REEP3: variants seen among roughly 807,000 people sequenced by gnomAD.
REEP3 encodes the protein receptor accessory protein 3, also known as receptor expression-enhancing protein 3.
REEP3 carries 20 observed loss-of-function variants against 41.3 expected under a neutral mutation model. That is an observed-to-expected ratio of 0.48 (90% CI 0.34 to 0.70). REEP3 has a LOEUF of 0.70. Ranked by LOEUF, REEP3 falls within the 30% of genes least tolerant of loss-of-function variation. REEP3 has a pLI of 0.01. For missense variants in REEP3, 271 were observed against 308.8 expected (o/e 0.88, Z 0.92); for synonymous variants, 104 against 101.8 (o/e 1.02, Z -0.13).
chr10:63,590,435 G>GTA (rs1237492923), intron 2 of REEP3, among the ~76,000 whole-genome samples: 1 of 152,194 alleles, frequency 6.6e-6, no homozygotes, highest in East Asian at 1.9e-4. Flanking sequence ...GAAAAGGAGG[G>GTA]TATATGTGCA....
chr10:63,532,585 G>C (rs1275483233), intron 1 of REEP3, among the ~76,000 whole-genome samples: 1 of 151,936 alleles, frequency 6.6e-6, no homozygotes, highest in Non-Finnish European at 1.5e-5. Flanking sequence ...GAACCCAGGA[G>C]GCGGAGCTCG....
intron 2 of REEP3, among the ~76,000 whole-genome samples, chr10:63,589,468 A>G (rs952063056): frequency 1.3e-5 from 2 of 152,172 alleles, no homozygotes; most frequent in African/African-American, 2.4e-5. Flanking sequence ...ATCAGAAGAC[A>G]GGAAAAGCAT....
intron 5 of REEP3, among the ~76,000 whole-genome samples, chr10:63,608,083 C>T (rs952802209): frequency 6.6e-5 from 10 of 152,074 alleles, no homozygotes; most frequent in East Asian, 5.8e-4. Context: ...CACAGAACTA[C>T]GAAGATGAAA....
intron 1 of REEP3, among the ~76,000 whole-genome samples, chr10:63,533,725 TGAGACGGA>T (rs1955447915): frequency 7.0e-6 from 1 of 143,684 alleles, no homozygotes; most frequent in African/African-American, 2.5e-5. Context: ...TTTTTTTTTT[TGAGACGGA>T]GTCTCGCTCT....
intron 5 of REEP3, among the ~76,000 whole-genome samples, chr10:63,607,491 A>T (rs1956239685): frequency 6.6e-6 from 1 of 152,230 alleles, no homozygotes; most frequent in Non-Finnish European, 1.5e-5. Flanking sequence ...TAGGTGGTGT[A>T]GTCTATCCAT....
intron 2 of REEP3, among the ~76,000 whole-genome samples, chr10:63,592,578 G>C (rs1005545458): frequency 3.3e-5 from 5 of 152,120 alleles, no homozygotes; most frequent in Admixed American, 6.6e-5. Context: ...GAGGCCTATA[G>C]TCAGGATTGA....
chr10:63,525,086 G>T (rs1955349017), intron 1 of REEP3, among the ~76,000 whole-genome samples: 1 of 152,148 alleles, frequency 6.6e-6, no homozygotes, highest in East Asian at 1.9e-4. Context: ...TTGGCATTGA[G>T]TGTGCACTTA....
chr10:63,540,481 C>G (rs1349142851), intron 1 of REEP3, among the ~76,000 whole-genome samples: 3 of 152,028 alleles, frequency 2.0e-5, no homozygotes, highest in African/African-American at 4.8e-5. Context: ...AGAATGTGTT[C>G]TACATCTTGG....
At chr10:63,533,914 G>T (rs1955450265) in intron 1 of REEP3, among the ~76,000 whole-genome samples, 2 of 151,804 alleles carry the variant, frequency 1.3e-5, no homozygotes, top group African/African-American at 4.8e-5. Context: ...CACCATGTTG[G>T]CCGGGCTGGT....
chr10:63,621,301 G>A lies in REEP3; in HGVS notation c.*432G>A, dbSNP rs1956351536. 6.5e-6 allele frequency: 1 copy of A among 152,826 alleles called. No homozygotes were observed. Among genetic ancestry groups the A allele is most frequent in the Non-Finnish European group, 1.5e-5 (1 of 68,464 alleles). 9.5% of individuals were successfully genotyped at this position (152,826 alleles called of 1,614,324 possible). A position where few individuals can be genotyped will look rare whatever the true frequency, so the allele number is the denominator to read the frequency against. ...TCAGATTCAGCAGTGACATAACAAG[G>A]ACATAATGTAAGATAATAAAGTAGG... On this transcript the variant is annotated 3_prime_UTR_variant, in exon 8 of 8. Coordinates refer to ENST00000373758, the MANE Select transcript of REEP3 (RefSeq NM_001001330.3).
At chr10:63,541,777 A>G (rs1955530459) in intron 1 of REEP3, among the ~76,000 whole-genome samples, 1 of 152,244 alleles carries the variant, frequency 6.6e-6, no homozygotes, top group Non-Finnish European at 1.5e-5. Context: ...ATATCTCAAC[A>G]AAGGATAGGC....
chr10:63,560,918 A>G (rs1185106600), intron 1 of REEP3, among the ~76,000 whole-genome samples: 2 of 152,218 alleles, frequency 1.3e-5, no homozygotes, highest in Non-Finnish European at 2.9e-5. Context: ...TTAATAATAA[A>G]TTCTCAGTAA....
intron 2 of REEP3, 55 bp from the exon 3 acceptor site, chr10:63,594,719 TATTC>T: frequency 1.0e-6 from 1 of 994,122 alleles, no homozygotes; most frequent in East Asian, 2.4e-5. Context: ...ACATACATAT[TATTC>T]AGAGTTGCAA....
At chr10:63,538,382 T>C (rs967240434) in intron 1 of REEP3, among the ~76,000 whole-genome samples, 1 of 152,170 alleles carries the variant, frequency 6.6e-6, no homozygotes, top group African/African-American at 2.4e-5. Flanking sequence ...AATATTAACA[T>C]TTTATACTTG....
intron 2 of REEP3, among the ~76,000 whole-genome samples, chr10:63,592,685 G>C (rs567814970): frequency 1.7e-4 from 25 of 150,640 alleles, no homozygotes; most frequent in African/African-American, 5.8e-4. Context: ...GAGGTCAGGA[G>C]TTCGAGACCA....
At chr10:63,555,594 A>G (rs940507644) in intron 1 of REEP3, among the ~76,000 whole-genome samples, 2 of 152,176 alleles carry the variant, frequency 1.3e-5, no homozygotes, top group Non-Finnish European at 1.5e-5. Flanking sequence ...CTCTTCTTTT[A>G]TCATGATGTC....
chr10:63,595,806 A>G (rs868182941), intron 3 of REEP3, among the ~76,000 whole-genome samples: 2 of 152,164 alleles, frequency 1.3e-5, no homozygotes, highest in Non-Finnish European at 2.9e-5. Flanking sequence ...TCGAACTCCC[A>G]ACCTCAGGTG....
At chr10:63,588,554 A>G (rs866781022) in intron 2 of REEP3, among the ~76,000 whole-genome samples, 9 of 152,316 alleles carry the variant, frequency 5.9e-5, no homozygotes, top group African/African-American at 2.2e-4. Context: ...ACATTAAGCT[A>G]TGTGCATTCC....
intron 1 of REEP3, among the ~76,000 whole-genome samples, chr10:63,523,268 C>T (rs1179301281): frequency 6.6e-6 from 1 of 152,130 alleles, no homozygotes. Flanking sequence ...CTCTAATACC[C>T]AGTGTTGGAC....
Sources: allele counts gnomAD v4.1 joint callset (sites outside exome capture counted in the v4.1 genomes callset), GRCh38; gene constraint gnomAD v4.1.1; transcripts MANE v1.5; gene names NCBI Gene and HGNC (gene_info 2026-07-23, HGNC 2026-07-21).